Variants in CHD9 observed in about 807,000 individuals in gnomAD.
The protein encoded by CHD9 is ATP-dependent chromatin remodeler CHD9.
In CHD9, 77 loss-of-function variants were observed where a neutral mutation model predicts 316.1. The observed-to-expected ratio is 0.24, with a 90% CI of 0.20 to 0.29. The LOEUF is 0.29. Among genes scored for constraint, CHD9 ranks in the 10% least tolerant of loss-of-function variants. The pLI is 1.00. For missense variants in CHD9, 2,763 were observed against 3,438.1 expected, an observed-to-expected ratio of 0.80 and a Z score of 4.91; for synonymous variants, 1,129 against 1,158.3, an observed-to-expected ratio of 0.97 and a Z score of 0.51.
intron 2 of CHD9, among the ~76,000 whole-genome samples, chr16:53,160,967 C>T (rs973795410): frequency 2.6e-5 from 4 of 152,052 alleles, no homozygotes; most frequent in African/African-American, 9.7e-5. Flanking sequence ...TGCCTGTAAT[C>T]CCAACACTTT....
intron 1 of CHD9, among the ~76,000 whole-genome samples, chr16:53,081,241 G>A (rs1057440686): frequency 1.3e-5 from 2 of 152,240 alleles, no homozygotes; most frequent in African/African-American, 2.4e-5. Flanking sequence ...GTTCAGGACA[G>A]TCTTTGGTGG....
At chr16:53,066,486 A>C (rs1202431642) in intron 1 of CHD9, among the ~76,000 whole-genome samples, 1 of 152,170 alleles carries the variant, frequency 6.6e-6, no homozygotes, top group Non-Finnish European at 1.5e-5. Context: ...CTAAAAGAAA[A>C]ATAAACACAT....
At chr16:53,071,774 C>G (rs1021477751) in intron 1 of CHD9, among the ~76,000 whole-genome samples, 1 of 152,168 alleles carries the variant, frequency 6.6e-6, no homozygotes, top group Non-Finnish European at 1.5e-5. Context: ...TCTGGCCCAC[C>G]TCGGTTTCAG....
At chr16:53,193,009 G>T (rs1652209084) in intron 2 of CHD9, among the ~76,000 whole-genome samples, 1 of 150,706 alleles carries the variant, frequency 6.6e-6, no homozygotes, top group Admixed American at 6.6e-5. Context: ...ATTGCTGAGG[G>T]TCATATGTTG....
At chr16:53,123,384 C>A (rs2038832114) in intron 1 of CHD9, among the ~76,000 whole-genome samples, 1 of 152,024 alleles carries the variant, frequency 6.6e-6, no homozygotes, top group African/African-American at 2.4e-5. Flanking sequence ...CCTAGGCAAC[C>A]ACTAATCTAC....
At chr16:53,118,918 G>A (rs1299849317) in intron 1 of CHD9, among the ~76,000 whole-genome samples, 3 of 149,196 alleles carry the variant, frequency 2.0e-5, no homozygotes, top group South Asian at 2.2e-4. Flanking sequence ...TCACCCTCCC[G>A]CGTAGCTGGG....
intron 2 of CHD9, among the ~76,000 whole-genome samples, chr16:53,198,008 C>T (rs999192483): frequency 1.3e-5 from 2 of 151,878 alleles, no homozygotes; most frequent in South Asian, 2.1e-4. Context: ...TTACGGAAAC[C>T]CTCTCCCTTC....
At chr16:53,098,328 A>G (rs1173526119) in intron 1 of CHD9, among the ~76,000 whole-genome samples, 3 of 150,916 alleles carry the variant, frequency 2.0e-5, no homozygotes, top group Non-Finnish European at 4.4e-5. Context: ...ATACAAAAAT[A>G]AGCTGGGCAT....
chr16:53,083,294 G>C (rs180744136), intron 1 of CHD9, among the ~76,000 whole-genome samples: 1 of 152,278 alleles, frequency 6.6e-6, no homozygotes, highest in African/African-American at 2.4e-5. Context: ...ACTGTAGGCA[G>C]TCATTCATTT....
At chr16:53,248,514 GTT>G (rs752292946) in intron 16 of CHD9, among the ~76,000 whole-genome samples, 6 of 132,690 alleles carry the variant, frequency 4.5e-5, no homozygotes, top group South Asian at 2.3e-4. Flanking sequence ...TGCTTTGTTG[GTT>G]TTTTTTTTTG....
chr16:53,182,383 G>T (rs1446748039), intron 2 of CHD9, among the ~76,000 whole-genome samples: 2 of 152,096 alleles, frequency 1.3e-5, no homozygotes, highest in African/African-American at 4.8e-5. Flanking sequence ...AATTTGTGGA[G>T]ATGGGGGTCT....
intron 24 of CHD9, among the ~76,000 whole-genome samples, chr16:53,275,395 T>G (rs2052710321): frequency 6.6e-6 from 1 of 152,156 alleles, no homozygotes; most frequent in South Asian, 2.1e-4. Context: ...GAGTACTCAT[T>G]AAGCACCAGG....
At chr16:53,178,727 TGCTGG>T (rs1399048188) in intron 2 of CHD9, among the ~76,000 whole-genome samples, 1 of 152,176 alleles carries the variant, frequency 6.6e-6, no homozygotes, top group Non-Finnish European at 1.5e-5. Context: ...CCTCCCAAAG[TGCTGG>T]GATTACAAAC....
rs528353802 is a variant in CHD9 at position 53,239,809 on chromosome 16, C to A, written c.2877+1223C>A. The stretch of plus-strand genomic sequence containing the variant: ...CACTGAAGCCTGGGTGACAGCAAGA[C>A]CCTGTCCCTAAAAAAAGGAAAAGAA... On this transcript the variant is annotated intron_variant, in intron 12 of 38. Transcript: ENST00000447540. Among the ~76,000 whole-genome samples, 20 of 152,156 alleles carry A rather than the reference C, an allele frequency of 1.3e-4. No homozygotes were observed. The South Asian group carries it at 3.7e-3, about 28-fold the overall frequency.
chr16:53,226,556 C>T (rs750568692), intron 5 of CHD9, 44 bp downstream of exon 5: 3 of 1,563,694 alleles, frequency 1.9e-6, no homozygotes, highest in African/African-American at 1.4e-5. Context: ...TTTAAACCGA[C>T]ATAAATTCTA....
Position 53,291,672 on chromosome 16 carries a change from A to G in CHD9, c.5248-53A>G, listed in dbSNP as rs73606085. ...AAGTTTGATTCTCTTTTCTTTTTTT[A>G]TATATCTCTTGACCCAATTACCCTG... On this transcript the variant is annotated intron_variant, in intron 27 of 38. Coordinates refer to ENST00000447540, the MANE Select transcript of CHD9 (RefSeq NM_001308319.2). The G allele has an allele frequency of 0.029, 33,878 of 1,188,404 alleles. 614 individuals carry two copies. Among genetic ancestry groups the G allele is most frequent in the South Asian group, 0.062 (4,230 of 68,758 alleles). The allele number at this position is 1,188,404 out of a possible 1,614,324, so 73.6% of individuals were successfully genotyped here.
intron 2 of CHD9, among the ~76,000 whole-genome samples, chr16:53,188,931 A>G (rs1198830855): frequency 2.0e-5 from 3 of 151,658 alleles, no homozygotes; most frequent in African/African-American, 4.8e-5. Flanking sequence ...TTTTGCCCAT[A>G]TTTAAATTGG....
Position 53,249,991 on chromosome 16 carries a change from G to A in CHD9, c.3786G>A (p.Gly1262=), listed in dbSNP as rs2049994315. 3 of 1,613,662 alleles carry A rather than the reference G, an allele frequency of 1.9e-6. No individual in the cohort carries two copies. Among genetic ancestry groups the A allele is most frequent in the Non-Finnish European group, 2.5e-6 (3 of 1,179,790 alleles). Residue 1262 remains glycine (G), a synonymous_variant, in exon 17 of 39, where the codon GGG becomes GGA. Transcript: ENST00000447540. The stretch of plus-strand genomic sequence containing the variant: ...TTCTCCTGTGTACCCGAGCTGGTGG[G>A]TTGGGCATCAACTTAACTGCAGCTG... The part of the protein sequence containing the change: ...FVFLLCTRAG[G]LGINLTAADT...
intron 2 of CHD9, among the ~76,000 whole-genome samples, chr16:53,186,503 G>A (rs1425221377): frequency 6.6e-6 from 1 of 152,140 alleles, no homozygotes; most frequent in African/African-American, 2.4e-5. Context: ...TTTGGACTGT[G>A]GACTTTTGAT....
Sources: gnomAD v4.1 joint callset for allele counts (sites outside exome capture counted in the v4.1 genomes callset) on GRCh38, gnomAD v4.1.1 for gene constraint, MANE v1.5 for transcripts, NCBI Gene and HGNC (gene_info 2026-07-23, HGNC 2026-07-21) for gene names.